The following LARGE1 variants were observed in gnomAD, a reference collection of about 807,000 sequenced individuals.
LARGE1 encodes LARGE xylosyl- and glucuronyltransferase 1, also known as xylosyl- and glucuronyltransferase LARGE1.
A neutral mutation model predicts 87.6 loss-of-function variants in LARGE1; 43 were observed. The ratio of observed to expected loss-of-function variants is 0.49; its 90% CI spans 0.38 to 0.63. The LOEUF (loss-of-function observed/expected upper bound fraction) is 0.63, where lower values mean the gene tolerates loss of function less well. LARGE1 is among the 30% of genes least tolerant of loss of function. The pLI, the probability that LARGE1 is intolerant of heterozygous loss-of-function variation, is 0.00. For synonymous variants in LARGE1, 434 were observed against 394.6 expected, an observed-to-expected ratio of 1.10 and a Z score of -1.18; for missense variants, 802 against 1,000.2, an observed-to-expected ratio of 0.80 and a Z score of 2.67.
chr22:33,827,759 A>G (rs2146306218), intron 1 of LARGE1, among the ~76,000 whole-genome samples: 1 of 152,316 alleles, frequency 6.6e-6, no homozygotes, highest in Non-Finnish European at 1.5e-5. Flanking sequence ...TGTCTACTTC[A>G]GCGGTTCCCA....
At chr22:33,667,743 C>A (rs1016601771) in intron 2 of LARGE1, among the ~76,000 whole-genome samples, 18 of 152,202 alleles carry the variant, frequency 1.2e-4, no homozygotes, top group African/African-American at 4.3e-4. Flanking sequence ...ACCATTAAGG[C>A]ATGTATAAAC....
At chr22:33,321,815 C>T (rs1357378897) in intron 10 of LARGE1, among the ~76,000 whole-genome samples, 1 of 152,148 alleles carries the variant, frequency 6.6e-6, no homozygotes, top group African/African-American at 2.4e-5. Flanking sequence ...ATCCCCTTTA[C>T]TGACTGACTG....
chr22:33,090,680 T>G, the LARGE1 span, among the ~76,000 whole-genome samples: 2 of 152,186 alleles, frequency 1.3e-5, no homozygotes, highest in Non-Finnish European at 2.9e-5. Context: ...ACAAAATTAT[T>G]TGGGGACACA....
In LARGE1 at chr22:33,859,768, C is replaced by T. The variant is rs1025021365; in HGVS notation, c.-83+60227G>A. Among the ~76,000 whole-genome samples, 12 of 152,304 alleles carry T rather than the reference C, an allele frequency of 7.9e-5. No homozygotes were observed. The South Asian group carries it at 2.3e-3, about 29-fold the overall frequency. On this transcript the variant is annotated intron_variant, in intron 1 of 14. Transcript: ENST00000397394. ...GTTCAGCAACAGATAAATGGGCAAA[C>T]CAAGGTGCTATGTGGCATACATATA...
At chr22:33,799,533 T>C (rs567188174) in intron 1 of LARGE1, among the ~76,000 whole-genome samples, 5 of 152,204 alleles carry the variant, frequency 3.3e-5, no homozygotes, top group African/African-American at 2.4e-5. Flanking sequence ...CTCCCCCTCC[T>C]GGGTTCAAGC....
intron 1 of LARGE1, among the ~76,000 whole-genome samples, chr22:33,829,994 AG>A (rs1268488072): frequency 1.4e-4 from 22 of 152,184 alleles, no homozygotes; most frequent in African/African-American, 5.3e-4. Flanking sequence ...ATGAGATGGA[AG>A]CAAAAGTGCT....
the LARGE1 span, among the ~76,000 whole-genome samples, chr22:33,148,342 T>TTAC: frequency 6.6e-5 from 10 of 152,254 alleles, no homozygotes; most frequent in African/African-American, 2.4e-4. Context: ...ATGTGATCTA[T>TTAC]TACTATTGGA....
chr22:33,377,232 G>A (rs947588587), intron 9 of LARGE1, among the ~76,000 whole-genome samples: 4 of 152,160 alleles, frequency 2.6e-5, no homozygotes, highest in East Asian at 1.9e-4. Context: ...AAAAGACTCC[G>A]TGAAAACCAC....
Position 33,310,963 on chromosome 22 carries a change from CT to C in LARGE1, c.1451+5121del, listed in dbSNP as rs879377119. The stretch of plus-strand genomic sequence containing the variant: ...GCTGTATATGTGAGTGGGGCCCGGA[CT>C]TTTTTTTTTTTTTTGAGACCGAGTC... On this transcript the variant is annotated intron_variant, in intron 11 of 14. Coordinates refer to ENST00000397394, the MANE Select transcript of LARGE1 (RefSeq NM_133642.5). 4.5e-3 allele frequency among the ~76,000 whole-genome samples: 625 copies of C among 140,202 alleles called. 2 individuals are homozygous for C. The highest frequency in any genetic ancestry group is 9.4e-3 in the African/African-American group (362 of 38,634). The allele number at this position is 140,202 out of a possible 152,430, so 92.0% of individuals were successfully genotyped here.
At chr22:33,493,275 C>G (rs1371167015) in intron 6 of LARGE1, among the ~76,000 whole-genome samples, 1 of 151,460 alleles carries the variant, frequency 6.6e-6, no homozygotes, top group Non-Finnish European at 1.5e-5. Context: ...ATTCTCCTGC[C>G]TCAGCCTCCC....
intron 5 of LARGE1, among the ~76,000 whole-genome samples, chr22:33,600,610 T>C (rs1342483137): frequency 7.2e-6 from 1 of 138,188 alleles, no homozygotes; most frequent in Admixed American, 7.1e-5. Context: ...TGGGCAACAG[T>C]TTAATAAATA....
chr22:33,234,114 G>T (rs1401521838), intron 11 of LARGE1, among the ~76,000 whole-genome samples: 1 of 152,216 alleles, frequency 6.6e-6, no homozygotes, highest in Non-Finnish European at 1.5e-5. Context: ...TACATATCCA[G>T]CATGTGTCAA....
At chr22:33,117,096 T>C in the LARGE1 span, among the ~76,000 whole-genome samples, 1 of 152,194 alleles carries the variant, frequency 6.6e-6, no homozygotes, top group South Asian at 2.1e-4. Flanking sequence ...TCTACTGAAG[T>C]TCGCATATCT....
chr22:33,797,719 C>T (rs891880441), intron 1 of LARGE1, among the ~76,000 whole-genome samples: 1 of 152,226 alleles, frequency 6.6e-6, no homozygotes, highest in Admixed American at 6.5e-5. Flanking sequence ...GTCTGCTTCT[C>T]ACAACCAAAG....
the LARGE1 span, among the ~76,000 whole-genome samples, chr22:33,101,687 T>A: frequency 6.6e-6 from 1 of 152,090 alleles, no homozygotes; most frequent in South Asian, 2.1e-4. Context: ...AATAAATGCT[T>A]CTCTTTTACC....
At chr22:33,327,850 A>C (rs890037089) in intron 10 of LARGE1, among the ~76,000 whole-genome samples, 1 of 152,120 alleles carries the variant, frequency 6.6e-6, no homozygotes, top group African/African-American at 2.4e-5. Context: ...GCTTGGGCCA[A>C]ATTTTCTGAG....
chr22:33,842,968 A>T (rs995273705), intron 1 of LARGE1, among the ~76,000 whole-genome samples: 1 of 151,122 alleles, frequency 6.6e-6, no homozygotes. Flanking sequence ...AAACCACAAC[A>T]CCTACAGTTC....
chr22:33,300,879 T>C (rs1214667555), intron 12 of LARGE1, among the ~76,000 whole-genome samples: 1 of 152,168 alleles, frequency 6.6e-6, no homozygotes, highest in Non-Finnish European at 1.5e-5. Context: ...TCTCACTATA[T>C]TGCTCAGGCT....
chr22:33,230,048 G>A (rs532919513), intron 11 of LARGE1, among the ~76,000 whole-genome samples: 95 of 124,810 alleles, frequency 7.6e-4, no homozygotes, highest in Middle Eastern at 7.1e-3. Flanking sequence ...AGTTTTGCTC[G>A]GTCACCAGGC....
Sources: allele counts gnomAD v4.1 joint callset (sites outside exome capture counted in the v4.1 genomes callset), GRCh38; gene constraint gnomAD v4.1.1; transcripts MANE v1.5; gene names NCBI Gene and HGNC (gene_info 2026-07-23, HGNC 2026-07-21).